The following AGBL4 variants were observed in gnomAD, a reference collection of about 807,000 sequenced individuals.
AGBL4 encodes the protein cytosolic carboxypeptidase 6.
A neutral mutation model predicts 66.4 loss-of-function variants in AGBL4; 58 were observed. That is an observed-to-expected ratio of 0.87 (90% confidence interval 0.71 to 1.09). The LOEUF (loss-of-function observed/expected upper bound fraction) is 1.09, where lower values mean the gene tolerates loss of function less well. Among genes scored for constraint, AGBL4 ranks in the 50% least tolerant of loss-of-function variants. The pLI is 0.00. For synonymous variants in AGBL4, 234 were observed against 222.9 expected (o/e 1.05, Z -0.44); for missense variants, 579 against 631.0 (o/e 0.92, Z 0.88).
intron 4 of AGBL4, among the ~76,000 whole-genome samples, chr1:49,047,258 G>A (rs1644102757): frequency 6.6e-6 from 1 of 152,110 alleles, no homozygotes; most frequent in Non-Finnish European, 1.5e-5. Flanking sequence ...TGACTAAAAT[G>A]ATGGGCCATG....
chr1:49,015,861 G>T (rs1442613368), intron 5 of AGBL4, among the ~76,000 whole-genome samples: 1 of 151,856 alleles, frequency 6.6e-6, no homozygotes, highest in Non-Finnish European at 1.5e-5. Context: ...CAGTAAAATG[G>T]TCAATTTCAG....
intron 6 of AGBL4, among the ~76,000 whole-genome samples, chr1:48,803,396 GC>G (rs1645852516): frequency 6.6e-6 from 1 of 152,198 alleles, no homozygotes; most frequent in Admixed American, 6.5e-5. Flanking sequence ...TGGATGTTCT[GC>G]CCTTCCTCTA....
intron 3 of AGBL4, among the ~76,000 whole-genome samples, chr1:49,691,857 T>A (rs1263981159): frequency 6.6e-6 from 1 of 152,168 alleles, no homozygotes; most frequent in African/African-American, 2.4e-5. Context: ...GCTGGATACT[T>A]CATGCCCTCG....
chr1:49,122,940 G>A (rs965059675), intron 4 of AGBL4, among the ~76,000 whole-genome samples: 39 of 151,928 alleles, frequency 2.6e-4, no homozygotes, highest in Admixed American at 7.9e-4. Flanking sequence ...TGCAACCTCC[G>A]CCTCCCAGAT....
In AGBL4 at chr1:49,489,033, C is replaced by T. The variant is rs928855024; in HGVS notation, c.282+208280G>A. 1.3e-5 allele frequency among the ~76,000 whole-genome samples: 2 copies of T among 151,746 alleles called. 1 individual carries two copies. Among genetic ancestry groups the T allele is most frequent in the Non-Finnish European group, 2.9e-5 (2 of 67,872 alleles). On this transcript the variant is annotated intron_variant, in intron 3 of 13. Coordinates refer to ENST00000371839, the MANE Select transcript of AGBL4 (RefSeq NM_032785.4). The stretch of plus-strand genomic sequence containing the variant: ...TATTTTTGATATACTGATTTCCTAT[C>T]TTTTCGGTATATATCTAGTAGTGGA...
intron 5 of AGBL4, among the ~76,000 whole-genome samples, chr1:48,912,248 T>A (rs1317344349): frequency 6.6e-6 from 1 of 152,214 alleles, no homozygotes; most frequent in Non-Finnish European, 1.5e-5. Flanking sequence ...TACCTGAATA[T>A]GTGTTCCATG....
chr1:49,391,624 C>T (rs1250911603), intron 3 of AGBL4, among the ~76,000 whole-genome samples: 7 of 146,024 alleles, frequency 4.8e-5, no homozygotes, highest in Admixed American at 2.8e-4. Flanking sequence ...TACAGTGGCG[C>T]GATCTCTGCT....
intron 3 of AGBL4, among the ~76,000 whole-genome samples, chr1:49,657,533 A>G (rs1421341282): frequency 6.6e-6 from 1 of 151,548 alleles, no homozygotes; most frequent in Non-Finnish European, 1.5e-5. Context: ...GAACCAAAAA[A>G]GAACCCACAT....
At chr1:49,513,785 G>T (rs1649493561) in intron 3 of AGBL4, among the ~76,000 whole-genome samples, 1 of 151,846 alleles carries the variant, frequency 6.6e-6, no homozygotes, top group South Asian at 2.1e-4. Context: ...AACTTTTCTT[G>T]CTGCGCTGGG....
At chr1:49,402,894 T>C (rs1645117427) in intron 3 of AGBL4, among the ~76,000 whole-genome samples, 1 of 152,174 alleles carries the variant, frequency 6.6e-6, no homozygotes, top group African/African-American at 2.4e-5. Context: ...TTAAGACTTG[T>C]TTTGTGAGCT....
At chr1:49,343,381 G>C (rs1437308993) in intron 3 of AGBL4, among the ~76,000 whole-genome samples, 1 of 152,116 alleles carries the variant, frequency 6.6e-6, no homozygotes, top group African/African-American at 2.4e-5. Flanking sequence ...CATTATGAGA[G>C]AGCAAAAAGC....
chr1:49,840,106 T>C (rs1158361107), intron 2 of AGBL4, among the ~76,000 whole-genome samples: 2 of 152,174 alleles, frequency 1.3e-5, no homozygotes, highest in Non-Finnish European at 2.9e-5. Flanking sequence ...TCCAGGGTTT[T>C]TTTTTGGTTG....
intron 5 of AGBL4, among the ~76,000 whole-genome samples, chr1:48,899,980 G>T (rs1651926604): frequency 6.6e-6 from 1 of 152,202 alleles, no homozygotes; most frequent in African/African-American, 2.4e-5. Flanking sequence ...ATTAGGGGCT[G>T]GGGTGGGGTC....
intron 1 of AGBL4, among the ~76,000 whole-genome samples, chr1:49,960,614 T>C (rs1179040485): frequency 2.6e-5 from 4 of 152,132 alleles, no homozygotes; most frequent in African/African-American, 7.2e-5. Flanking sequence ...ATGGATATGC[T>C]AATTACCCTG....
intron 4 of AGBL4, among the ~76,000 whole-genome samples, chr1:49,051,741 T>C (rs1407229092): frequency 6.6e-6 from 1 of 152,150 alleles, no homozygotes; most frequent in African/African-American, 2.4e-5. Flanking sequence ...TCCAATCCTA[T>C]CTTCCACCAA....
chr1:48,585,607 T>C (rs1015671419), intron 11 of AGBL4: 1 of 152,218 alleles, frequency 6.6e-6, no homozygotes, highest in African/African-American at 2.4e-5. Context: ...AGGTGGGTAT[T>C]AAAGCAGACT....
chr1:49,462,765 T>C (rs1473376230), intron 3 of AGBL4, among the ~76,000 whole-genome samples: 1 of 151,730 alleles, frequency 6.6e-6, no homozygotes, highest in African/African-American at 2.4e-5. Context: ...ACCTGATAAT[T>C]ATAATTTCAG....
At chr1:49,948,158 GTAAATATA>G (rs1464226374) in intron 1 of AGBL4, among the ~76,000 whole-genome samples, 137 of 88,526 alleles carry the variant, frequency 1.5e-3, no homozygotes, top group African/African-American at 5.6e-3. Context: ...ATAAATATAC[GTAAATATA>G]TAAATATATA....
intron 2 of AGBL4, among the ~76,000 whole-genome samples, chr1:49,775,414 A>G (rs1388260243): frequency 6.6e-6 from 1 of 152,170 alleles, no homozygotes; most frequent in African/African-American, 2.4e-5. Context: ...TTTAATGAGT[A>G]ATGGGATCCA....
Sources: allele counts gnomAD v4.1 joint callset (sites outside exome capture counted in the v4.1 genomes callset), GRCh38; gene constraint gnomAD v4.1.1; transcripts MANE v1.5; gene names NCBI Gene and HGNC (gene_info 2026-07-23, HGNC 2026-07-21).